The following PRKCE variants were observed in gnomAD, a reference collection of about 807,000 sequenced individuals.
PRKCE encodes protein kinase C epsilon type.
Under a neutral mutation model 85.4 loss-of-function variants are expected in PRKCE, and 16 were observed. The ratio of observed to expected loss-of-function variants is 0.19; its 90% CI spans 0.13 to 0.28. The LOEUF (loss-of-function observed/expected upper bound fraction) is 0.28, where lower values mean the gene tolerates loss of function less well. Among genes scored for constraint, PRKCE ranks in the 10% least tolerant of loss-of-function variants. PRKCE has a pLI of 1.00. For missense variants in PRKCE, 573 were observed against 975.2 expected (o/e 0.59, Z 5.49); for synonymous variants, 388 against 371.5 (o/e 1.04, Z -0.51).
chr2:45,863,262 G>A (rs1249237590), intron 2 of PRKCE, among the ~76,000 whole-genome samples: 4 of 152,064 alleles, frequency 2.6e-5, no homozygotes, highest in Non-Finnish European at 5.9e-5. Flanking sequence ...AGGTCTCAGG[G>A]CCACCCACTG....
At chr2:45,958,302 G>A (rs1701116139) in intron 2 of PRKCE, among the ~76,000 whole-genome samples, 1 of 151,492 alleles carries the variant, frequency 6.6e-6, no homozygotes, top group Admixed American at 6.6e-5. Context: ...GAGGTCAGGG[G>A]TTCGAGACCA....
At chr2:46,174,510 C>T (rs1410189109) in intron 14 of PRKCE, among the ~76,000 whole-genome samples, 1 of 152,096 alleles carries the variant, frequency 6.6e-6, no homozygotes, top group Non-Finnish European at 1.5e-5. Context: ...ACTCCAAAGA[C>T]CTGGGACCCC....
chr2:45,756,926 G>A (rs1239561427), intron 1 of PRKCE, among the ~76,000 whole-genome samples: 10 of 152,104 alleles, frequency 6.6e-5, no homozygotes, highest in African/African-American at 2.2e-4. Context: ...GGGTATATGT[G>A]TGTCAAAACT....
chr2:45,900,550 G>A (rs888082336), intron 2 of PRKCE, among the ~76,000 whole-genome samples: 2 of 152,300 alleles, frequency 1.3e-5, no homozygotes, highest in African/African-American at 4.8e-5. Flanking sequence ...ACTTACATGA[G>A]GTCCTAGAAT....
intron 1 of PRKCE, among the ~76,000 whole-genome samples, chr2:45,775,042 T>A (rs1440476383): frequency 6.6e-6 from 1 of 152,158 alleles, no homozygotes; most frequent in African/African-American, 2.4e-5. Flanking sequence ...CTCCCCACGG[T>A]TGAATTGGTT....
At chr2:45,818,433 G>T (rs1689259532) in intron 1 of PRKCE, among the ~76,000 whole-genome samples, 1 of 152,158 alleles carries the variant, frequency 6.6e-6, no homozygotes, top group Admixed American at 6.5e-5. Flanking sequence ...AGCAAAGGAA[G>T]AATAAACTAC....
chr2:46,112,133 A>G (rs559116995), intron 11 of PRKCE, among the ~76,000 whole-genome samples: 19 of 152,298 alleles, frequency 1.2e-4, no homozygotes, highest in African/African-American at 4.3e-4. Context: ...CATCTTTATC[A>G]TTATGTAATG....
At chr2:45,984,218 A>G (rs1703131820) in intron 5 of PRKCE, among the ~76,000 whole-genome samples, 2 of 152,062 alleles carry the variant, frequency 1.3e-5, no homozygotes, top group Admixed American at 1.3e-4. Flanking sequence ...GATTACAGAT[A>G]TGATCCACTG....
At chr2:45,718,966 A>G (rs1680381195) in intron 1 of PRKCE, among the ~76,000 whole-genome samples, 1 of 152,252 alleles carries the variant, frequency 6.6e-6, no homozygotes, top group African/African-American at 2.4e-5. Context: ...AGAGCCTTTA[A>G]TATGCTAATA....
intron 2 of PRKCE, among the ~76,000 whole-genome samples, chr2:45,958,561 C>T (rs1186786595): frequency 1.3e-5 from 2 of 149,746 alleles, no homozygotes; most frequent in Non-Finnish European, 3.0e-5. Flanking sequence ...AACTCCCTTT[C>T]ACACTACAAT....
chr2:45,940,497 C>T (rs13011957), intron 2 of PRKCE, among the ~76,000 whole-genome samples: 4,453 of 152,226 alleles, frequency 0.029, 102 homozygotes, highest in Non-Finnish European at 0.043. Context: ...TATTTGGAGA[C>T]GTCTGGCTTA....
chr2:46,137,283 G>A (rs927377804), intron 11 of PRKCE, among the ~76,000 whole-genome samples: 2 of 152,198 alleles, frequency 1.3e-5, no homozygotes, highest in African/African-American at 2.4e-5. Flanking sequence ...ATCGGGAAGA[G>A]AAAATATGGG....
chr2:45,940,971 C>T (rs112092585), intron 2 of PRKCE, among the ~76,000 whole-genome samples: 27 of 148,226 alleles, frequency 1.8e-4, no homozygotes, highest in African/African-American at 6.5e-4. Context: ...GAGGCTGAGG[C>T]AGGAGACTCG....
intron 1 of PRKCE, chr2:45,675,407 C>G (rs186596053): frequency 6.6e-6 from 1 of 152,294 alleles, no homozygotes; most frequent in East Asian, 1.9e-4. Flanking sequence ...CACTTGTGAC[C>G]AGCTTTGGGG....
In PRKCE at chr2:46,186,334, G is replaced by A. The variant is rs1260331539; in HGVS notation, c.*1453G>A. 2.0e-5 allele frequency: 3 copies of A among 152,624 alleles called. No homozygotes were observed. The highest frequency in any genetic ancestry group is 2.9e-5 in the Non-Finnish European group (2 of 68,030). The allele number at this position is 152,624 out of a possible 1,614,324, so 9.5% of individuals were successfully genotyped here. A position where few individuals can be genotyped will look rare whatever the true frequency, so the allele number is the denominator to read the frequency against. On this transcript the variant is annotated 3_prime_UTR_variant, in exon 15 of 15. Coordinates refer to ENST00000306156, the MANE Select transcript of PRKCE (RefSeq NM_005400.3). Reference sequence around the variant, plus strand: ...TGCCCCTAAATATATATACTTGTGAGTGGCAAAGTGGCACTAATGAAGCTT... The same window carrying A: ...TGCCCCTAAATATATATACTTGTGAATGGCAAAGTGGCACTAATGAAGCTT...
intron 1 of PRKCE, among the ~76,000 whole-genome samples, chr2:45,671,327 A>G (rs1676148118): frequency 6.6e-6 from 1 of 152,236 alleles, no homozygotes; most frequent in Non-Finnish European, 1.5e-5. Context: ...AGGCAGATGA[A>G]TGAGCACCTG....
rs185947862 is a variant in PRKCE, at chr2:45,698,406, C to T, written c.348+45958C>T. ...GGGAAGGGCTATTTAGAGGGAGTGT[C>T]CCCAGCCGGTGGGGACCTGGCTCCC... is the stretch of plus-strand genomic sequence containing the variant. On this transcript the variant is annotated intron_variant, in intron 1 of 14. Transcript: ENST00000306156. Among the ~76,000 whole-genome samples the T allele has an allele frequency of 1.2e-4, 18 of 152,108 alleles. No homozygotes were observed. In the East Asian group the frequency reaches 3.1e-3, roughly 26 times the overall value.
At chr2:45,757,485 A>G (rs1684111289) in intron 1 of PRKCE, among the ~76,000 whole-genome samples, 1 of 151,972 alleles carries the variant, frequency 6.6e-6, no homozygotes, top group Non-Finnish European at 1.5e-5. Flanking sequence ...TGGGCAACAT[A>G]GTGAGACTGT....
chr2:45,778,006 T>G (rs1320326770), intron 1 of PRKCE, among the ~76,000 whole-genome samples: 1 of 151,168 alleles, frequency 6.6e-6, no homozygotes, highest in Non-Finnish European at 1.5e-5. Context: ...AGCAGGGCTG[T>G]GCAGAGAAAA....
Sources: allele counts gnomAD v4.1 joint callset (sites outside exome capture counted in the v4.1 genomes callset), GRCh38; gene constraint gnomAD v4.1.1; transcripts MANE v1.5; gene names NCBI Gene and HGNC (gene_info 2026-07-23, HGNC 2026-07-21).